NDE1: variants seen among roughly 807,000 people sequenced by gnomAD.
NDE1 encodes the protein nuclear distribution protein nudE homolog 1.
A neutral mutation model predicts 43.4 loss-of-function variants in NDE1; 28 were observed. The ratio of observed to expected loss-of-function variants is 0.65; its 90% CI spans 0.48 to 0.89. NDE1 has a LOEUF of 0.89. Among genes scored for constraint, NDE1 ranks in the 40% least tolerant of loss-of-function variants. NDE1 has a pLI of 0.00. For synonymous variants in NDE1, 184 were observed against 172.0 expected, an observed-to-expected ratio of 1.07 and a Z score of -0.55; for missense variants, 441 against 434.1, an observed-to-expected ratio of 1.02 and a Z score of -0.14.
Position 15,687,374 on chromosome 16 carries a change from GC to G in NDE1, c.387del (p.Ala130ProfsTer13). The G allele has an allele frequency of 6.2e-7, 1 of 1,614,166 alleles. No individual in the cohort carries two copies. The highest frequency in any genetic ancestry group is 8.5e-7 in the Non-Finnish European group (1 of 1,180,016). ...GATAACTCTGCTTTTCTCTTCGCCA[GC>G]GCCACGATCATGTCTCTCGAAGACT... The part of the protein sequence containing the change: ...QANDDLERAK[R>X]ATIMSLEDFE... On this transcript the variant is annotated frameshift_variant and splice_region_variant, in exon 5 of 9. Transcript: ENST00000396354. LOFTEE classifies it high-confidence loss of function.
rs946401861 is a variant in NDE1, at chr16:15,725,783, G to A, written c.*1532G>A. The A allele has an allele frequency of 5.0e-6, 2 of 398,524 alleles. No homozygotes were observed. The highest frequency in any genetic ancestry group is 4.4e-5 in the Admixed American group (1 of 22,728). 24.7% of individuals were successfully genotyped at this position (398,524 alleles called of 1,614,324 possible). A position where few individuals can be genotyped will look rare whatever the true frequency, so the allele number is the denominator to read the frequency against. On this transcript the variant is annotated 3_prime_UTR_variant, in exon 9 of 9. Coordinates refer to ENST00000396354, the MANE Select transcript of NDE1 (RefSeq NM_017668.3). Reference sequence around the variant, plus strand: ...CCATGAGTGGCAAGGCAGGGTAAATGGCTATGCCAAGTGAAAGAAGACCAA... The same window carrying A: ...CCATGAGTGGCAAGGCAGGGTAAATAGCTATGCCAAGTGAAAGAAGACCAA...
At chr16:15,715,515 G>A (rs1051895528) in intron 8 of NDE1, among the ~76,000 whole-genome samples, 2 of 152,244 alleles carry the variant, frequency 1.3e-5, no homozygotes, top group African/African-American at 2.4e-5. Context: ...AGACAACATA[G>A]TGTGTGATTC....
chr16:15,667,559 C>A, intron 3 of NDE1, 120 bp downstream of exon 3: 6 of 1,240,464 alleles, frequency 4.8e-6, no homozygotes, highest in Non-Finnish European at 5.8e-6. Context: ...CCATGCTCAT[C>A]TCTGGAAGGG....
chr16:15,674,283 G>A (rs931645535), intron 3 of NDE1, among the ~76,000 whole-genome samples: 4 of 151,714 alleles, frequency 2.6e-5, no homozygotes, highest in African/African-American at 7.3e-5. Context: ...CTTGTTCGTC[G>A]CCCAGACTAG....
At chr16:15,650,351 G>A (rs2036435944) in intron 1 of NDE1, 57 bp downstream of exon 1, 2 of 222,874 alleles carry the variant, frequency 9.0e-6, no homozygotes, top group African/African-American at 2.4e-5. Context: ...GACCTCCACC[G>A]CGGCTGAAAA....
In NDE1 at chr16:15,667,298, G is replaced by A. The variant is rs377636369; in HGVS notation, c.96G>A (p.Thr32=). ...AATTTTGCTGTAGGGCAGAAAATAC[G>A]CAAGAGGAACTCCGAGAATTCCAGG... ...AMTYKQRAEN[T]QEELREFQEG... Residue 32 remains threonine, a synonymous_variant, in exon 3 of 9, where the codon ACG becomes ACA. Coordinates refer to ENST00000396354, the MANE Select transcript of NDE1 (RefSeq NM_017668.3). The A allele has an allele frequency of 3.3e-5, 54 of 1,614,116 alleles. No homozygotes were observed. In the South Asian group the frequency reaches 4.8e-4, roughly 14 times the overall value.
intron 4 of NDE1, among the ~76,000 whole-genome samples, chr16:15,680,335 G>C (rs767509938): frequency 3.8e-4 from 58 of 152,176 alleles, no homozygotes; most frequent in Middle Eastern, 3.4e-3. Flanking sequence ...TGGAGCTTTA[G>C]GCAAAAATCT....
At chr16:15,694,069 T>G in intron 6 of NDE1, 96 bp from the exon 7 acceptor site, 2 of 1,393,162 alleles carry the variant, frequency 1.4e-6, no homozygotes, top group Non-Finnish European at 2.0e-6. Context: ...AAGGCGTCAG[T>G]GTCCCTCCTG....
intron 8 of NDE1, chr16:15,703,719 G>T: frequency 2.1e-6 from 1 of 475,938 alleles, no homozygotes; most frequent in Non-Finnish European, 3.9e-6. Context: ...CTCCCTAGTA[G>T]CTGGGACCAC....
rs115150862 is a variant in NDE1, at chr16:15,695,003, C to T, written c.795+747C>T. 1.9e-3 allele frequency: 1,442 copies of T among 768,808 alleles called. 18 individuals carry two copies. In the African/African-American group the frequency reaches 0.027, roughly 14 times the overall value. The allele number at this position is 768,808 out of a possible 1,614,324, so 47.6% of individuals were successfully genotyped here. A position where few individuals can be genotyped will look rare whatever the true frequency, so the allele number is the denominator to read the frequency against. ...CCGGGCAACATGGTGAAACCCCCTG[C>T]CCCGACTTGGCCTCTACAAGAATGC... is the stretch of plus-strand genomic sequence containing the variant. On this transcript the variant is annotated intron_variant, in intron 7 of 8. Coordinates refer to ENST00000396354, the MANE Select transcript of NDE1 (RefSeq NM_017668.3).
Position 15,724,769 on chromosome 16 carries a change from GCTT to G in NDE1, c.*521_*523del. On this transcript the variant is annotated 3_prime_UTR_variant, in exon 9 of 9. Coordinates refer to ENST00000396354, the MANE Select transcript of NDE1 (RefSeq NM_017668.3). ...TGGCGCAGCTTCGTAGACACGTTGA[GCTT>G]CTGCCGGGTTTCTTCTTGAAGCAGC... 6.2e-7 allele frequency: 1 copy of G among 1,614,088 alleles called. No individual in the cohort carries two copies. Among genetic ancestry groups the G allele is most frequent in the Non-Finnish European group, 8.5e-7 (1 of 1,180,042 alleles).
At chr16:15,663,240 T>A (rs911466728) in intron 1 of NDE1, among the ~76,000 whole-genome samples, 1 of 150,812 alleles carries the variant, frequency 6.6e-6, no homozygotes, top group African/African-American at 2.4e-5. Flanking sequence ...TCTTTCATAT[T>A]CTTTTTTTTT....
chr16:15,647,555 T>C (rs1224641463), upstream of NDE1, among the ~76,000 whole-genome samples: 2 of 152,168 alleles, frequency 1.3e-5, no homozygotes, highest in African/African-American at 2.4e-5. Context: ...AAGTGACCCC[T>C]CCCAGCCCGT....
upstream of NDE1, among the ~76,000 whole-genome samples, chr16:15,645,475 A>T (rs978802240): frequency 2.6e-5 from 4 of 152,216 alleles, no homozygotes; most frequent in African/African-American, 4.8e-5. Context: ...TATTAAAAAA[A>T]TTTTTAAAAA....
chr16:15,684,989 A>C (rs548383316), intron 4 of NDE1, among the ~76,000 whole-genome samples: 2 of 152,340 alleles, frequency 1.3e-5, no homozygotes, highest in Non-Finnish European at 2.9e-5. Flanking sequence ...AGGATCTTTC[A>C]AATCAGTCCA....
chr16:15,702,600 G>T (rs559608317), intron 8 of NDE1, among the ~76,000 whole-genome samples: 1 of 151,650 alleles, frequency 6.6e-6, no homozygotes, highest in Non-Finnish European at 1.5e-5. Context: ...ATAGAGACGG[G>T]GGTCTCTCTC....
At chr16:15,703,478 T>C (rs1437474041) in intron 8 of NDE1, 1 of 262,202 alleles carries the variant, frequency 3.8e-6, no homozygotes, top group Non-Finnish European at 7.5e-6. Context: ...ACTCAGTGTC[T>C]GCACAATCCA....
intron 1 of NDE1, among the ~76,000 whole-genome samples, chr16:15,664,127 A>T (rs62036928): frequency 0.04 from 6,022 of 151,346 alleles, 156 homozygotes; most frequent in Non-Finnish European, 0.066. Flanking sequence ...CCACTCCCCC[A>T]CTCCCTCCAC....
intron 5 of NDE1, among the ~76,000 whole-genome samples, chr16:15,689,524 G>A (rs548610237): frequency 6.6e-6 from 1 of 152,302 alleles, no homozygotes; most frequent in South Asian, 2.1e-4. Context: ...ACATACCACT[G>A]AAGTGGGGAG....
Sources: gnomAD v4.1 joint callset for allele counts (sites outside exome capture counted in the v4.1 genomes callset) on GRCh38, gnomAD v4.1.1 for gene constraint, MANE v1.5 for transcripts, NCBI Gene and HGNC (gene_info 2026-07-23, HGNC 2026-07-21) for gene names.